NEK11: variants seen among roughly 807,000 people sequenced by gnomAD.
The protein encoded by NEK11 is serine/threonine-protein kinase Nek11.
In NEK11, 72 loss-of-function variants were observed where a neutral mutation model predicts 80.7. The ratio of observed to expected loss-of-function variants is 0.89; its 90% CI spans 0.74 to 1.08. The LOEUF (loss-of-function observed/expected upper bound fraction) is 1.08. Ranked by LOEUF, NEK11 falls within the 50% of genes least tolerant of loss-of-function variation. The pLI, the probability that NEK11 is intolerant of heterozygous loss-of-function variation, is 0.00. For synonymous variants in NEK11, 251 were observed against 260.7 expected (o/e 0.96, Z 0.36); for missense variants, 764 against 763.6 (o/e 1.00, Z -0.01).
chr3:131,202,387 C>T (rs1030313527), intron 14 of NEK11, among the ~76,000 whole-genome samples: 1 of 152,110 alleles, frequency 6.6e-6, no homozygotes, highest in Admixed American at 6.5e-5. Flanking sequence ...GGGACACTGC[C>T]ACCTAAACAC....
intron 3 of NEK11, among the ~76,000 whole-genome samples, chr3:131,048,938 G>C (rs554543077): frequency 6.6e-6 from 1 of 152,304 alleles, no homozygotes; most frequent in Non-Finnish European, 1.5e-5. Context: ...CTTGCATTGA[G>C]ACGCTGGCAC....
chr3:131,114,160 G>A (rs544966048), intron 5 of NEK11, among the ~76,000 whole-genome samples: 64 of 152,062 alleles, frequency 4.2e-4, no homozygotes, highest in African/African-American at 1.5e-3. Context: ...ACTTCTGTTG[G>A]TTTTCAGTAT....
intron 4 of NEK11, among the ~76,000 whole-genome samples, chr3:131,104,564 T>G (rs1365418548): frequency 6.6e-6 from 1 of 151,996 alleles, no homozygotes; most frequent in Non-Finnish European, 1.5e-5. Context: ...GATGACCAGC[T>G]GGAATGTTCA....
intron 14 of NEK11, among the ~76,000 whole-genome samples, chr3:131,171,755 G>A (rs544406919): frequency 1.3e-5 from 2 of 152,156 alleles, no homozygotes; most frequent in African/African-American, 4.8e-5. Flanking sequence ...GCAGAGGAGG[G>A]TTATCAATAT....
At chr3:131,031,414 G>A (rs1367740439) in intron 3 of NEK11, among the ~76,000 whole-genome samples, 2 of 152,156 alleles carry the variant, frequency 1.3e-5, no homozygotes, top group Non-Finnish European at 2.9e-5. Context: ...AACATTGAGA[G>A]TAAGACCTAA....
intron 12 of NEK11, among the ~76,000 whole-genome samples, chr3:131,166,343 C>T (rs1296887719): frequency 6.6e-6 from 1 of 152,244 alleles, no homozygotes; most frequent in African/African-American, 2.4e-5. Context: ...ATCCCCCAAG[C>T]CCCAGGGATG....
chr3:131,213,751 C>T (rs953738467), intron 14 of NEK11, among the ~76,000 whole-genome samples: 1 of 152,160 alleles, frequency 6.6e-6, no homozygotes, highest in African/African-American at 2.4e-5. Flanking sequence ...TCCAGTCCTG[C>T]CAATCTGAAC....
chr3:131,238,498 G>T (rs561236823), intron 15 of NEK11, among the ~76,000 whole-genome samples: 2 of 152,280 alleles, frequency 1.3e-5, no homozygotes, highest in South Asian at 2.1e-4. Context: ...CACAAACAAA[G>T]AAGTAAGAGC....
At chr3:131,122,315 T>C (rs1490921017) in intron 5 of NEK11, among the ~76,000 whole-genome samples, 4 of 152,196 alleles carry the variant, frequency 2.6e-5, no homozygotes, top group Admixed American at 2.6e-4. Flanking sequence ...TTTCTCCTGG[T>C]CCTCACTTCT....
intron 4 of NEK11, among the ~76,000 whole-genome samples, chr3:131,108,583 A>G (rs1308367292): frequency 1.3e-5 from 2 of 152,122 alleles, no homozygotes; most frequent in African/African-American, 4.8e-5. Flanking sequence ...TTTTTATAGC[A>G]ATTGAAATAC....
chr3:131,123,135 T>C (rs1345896156), intron 5 of NEK11, among the ~76,000 whole-genome samples: 1 of 152,242 alleles, frequency 6.6e-6, no homozygotes, highest in Non-Finnish European at 1.5e-5. Flanking sequence ...TGGCTCATTT[T>C]GGCTTACTGT....
At chr3:131,220,473 C>CA (rs2094983473) in intron 14 of NEK11, among the ~76,000 whole-genome samples, 1 of 152,114 alleles carries the variant, frequency 6.6e-6, no homozygotes, top group South Asian at 2.1e-4. Context: ...TAAGCACTGC[C>CA]ACTCCCAATT....
At chr3:131,270,252 C>T (rs988570273) in intron 16 of NEK11, among the ~76,000 whole-genome samples, 4 of 152,182 alleles carry the variant, frequency 2.6e-5, no homozygotes, top group African/African-American at 4.8e-5. Flanking sequence ...AGGATTTCTG[C>T]GTTGTCATTT....
chr3:131,202,602 C>T (rs1176095415), intron 14 of NEK11, among the ~76,000 whole-genome samples: 1 of 152,142 alleles, frequency 6.6e-6, no homozygotes, highest in African/African-American at 2.4e-5. Context: ...TAAAGAGCTT[C>T]TGCACAGCAA....
chr3:131,067,289 T>A (rs1385518573), intron 3 of NEK11, among the ~76,000 whole-genome samples: 1 of 152,236 alleles, frequency 6.6e-6, no homozygotes. Flanking sequence ...ACACGTGCAC[T>A]GAATTTAGAA....
chr3:131,261,480 T>C (rs1204058215), intron 16 of NEK11, among the ~76,000 whole-genome samples: 1 of 152,180 alleles, frequency 6.6e-6, no homozygotes, highest in Non-Finnish European at 1.5e-5. Flanking sequence ...GCATAGGCAT[T>C]GTCTTCCCAA....
chr3:131,120,045 C>T (rs1335986852), intron 5 of NEK11, among the ~76,000 whole-genome samples: 7 of 152,120 alleles, frequency 4.6e-5, no homozygotes, highest in Non-Finnish European at 8.8e-5. Flanking sequence ...TTATTTTGCT[C>T]GTTAGTTGAT....
At chr3:131,076,245 T>A (rs1486022254) in intron 3 of NEK11, among the ~76,000 whole-genome samples, 4 of 152,196 alleles carry the variant, frequency 2.6e-5, no homozygotes, top group Non-Finnish European at 4.4e-5. Flanking sequence ...TCTGCTACAA[T>A]AATGTCTCAT....
intron 3 of NEK11, among the ~76,000 whole-genome samples, chr3:131,047,497 T>C (rs13060321): frequency 0.17 from 26,607 of 152,168 alleles, 2,428 homozygotes; most frequent in Non-Finnish European, 0.21. Flanking sequence ...CCCCTTTCCC[T>C]TAGGGATGTG....
Sources: gnomAD v4.1 joint callset for allele counts (sites outside exome capture counted in the v4.1 genomes callset) on GRCh38, gnomAD v4.1.1 for gene constraint, MANE v1.5 for transcripts, NCBI Gene and HGNC (gene_info 2026-07-23, HGNC 2026-07-21) for gene names.